The following DOCK4 variants were observed in gnomAD, a reference collection of about 807,000 sequenced individuals.
The protein encoded by DOCK4 is dedicator of cytokinesis 4.
A neutral mutation model predicts 268.1 loss-of-function variants in DOCK4; 97 were observed. The ratio of observed to expected loss-of-function variants is 0.36; its 90% CI spans 0.31 to 0.43. The LOEUF (loss-of-function observed/expected upper bound fraction) is 0.43, where lower values mean the gene tolerates loss of function less well. Ranked by LOEUF, DOCK4 falls within the 20% of genes least tolerant of loss-of-function variation. The pLI is 1.00. For synonymous variants in DOCK4, 954 were observed against 887.2 expected (o/e 1.08, Z -1.34); for missense variants, 2,145 against 2,455.7 (o/e 0.87, Z 2.67).
intron 1 of DOCK4, among the ~76,000 whole-genome samples, chr7:112,036,976 T>C (rs917985694): frequency 2.0e-5 from 3 of 152,110 alleles, no homozygotes; most frequent in African/African-American, 7.2e-5. Context: ...GGATTTAACT[T>C]TACATGATGT....
chr7:112,200,729 A>AAAAAT (rs1554478869), intron 1 of DOCK4, among the ~76,000 whole-genome samples: 36 of 120,214 alleles, frequency 3.0e-4, no homozygotes, highest in African/African-American at 1.2e-3. Context: ...CTAAAATAAA[A>AAAAAT]AAAAAAAAAC....
chr7:111,745,151 T>C (rs1796179173), intron 44 of DOCK4, among the ~76,000 whole-genome samples: 1 of 152,212 alleles, frequency 6.6e-6, no homozygotes, highest in South Asian at 2.1e-4. Flanking sequence ...TTCCAGTTCT[T>C]TGTACTTGAT....
At chr7:112,038,506 G>T (rs962645624) in intron 1 of DOCK4, among the ~76,000 whole-genome samples, 3 of 152,128 alleles carry the variant, frequency 2.0e-5, no homozygotes, top group Non-Finnish European at 2.9e-5. Context: ...TACATAATTG[G>T]ATCAGGGCTG....
chr7:111,891,808 TA>T (rs1310833448), intron 16 of DOCK4, among the ~76,000 whole-genome samples: 1 of 152,244 alleles, frequency 6.6e-6, no homozygotes, highest in African/African-American at 2.4e-5. Context: ...TTTTTTAACT[TA>T]AACGGATTTC....
At chr7:111,963,382 T>C (rs539679197) in intron 8 of DOCK4, among the ~76,000 whole-genome samples, 9 of 128,126 alleles carry the variant, frequency 7.0e-5, no homozygotes, top group Admixed American at 2.3e-4. Context: ...GGGCGAGGCA[T>C]TGCCTCACCT....
At chr7:111,769,503 A>T in intron 37 of DOCK4, 26 bp downstream of exon 37, 1 of 1,612,500 alleles carries the variant, frequency 6.2e-7, no homozygotes, top group Non-Finnish European at 8.5e-7. Context: ...CCCAGGAGGG[A>T]CCCCGGGCGG....
At chr7:112,156,727 T>C (rs537749806) in intron 1 of DOCK4, among the ~76,000 whole-genome samples, 35 of 152,328 alleles carry the variant, frequency 2.3e-4, no homozygotes, top group Admixed American at 4.6e-4. Context: ...CTTAATTATA[T>C]ACTTGGCTAT....
rs555122915 is a variant in DOCK4, at chr7:111,768,701, CT to C, written c.3828+827del. On this transcript the variant is annotated intron_variant, in intron 37 of 52. Coordinates refer to ENST00000428084, the MANE Select transcript of DOCK4 (RefSeq NM_001363540.2). ...GTTTTTTCAACACCTCAAGGCATCT[CT>C]TAAGTATATGATGGGATGCCACAAA... 1.1e-4 allele frequency among the ~76,000 whole-genome samples: 16 copies of C among 152,250 alleles called. No homozygotes were observed. In the East Asian group the frequency reaches 2.1e-3, roughly 20 times the overall value.
At chr7:111,756,679 A>T (rs1797041420) in intron 41 of DOCK4, among the ~76,000 whole-genome samples, 1 of 151,958 alleles carries the variant, frequency 6.6e-6, no homozygotes, top group South Asian at 2.1e-4. Flanking sequence ...CATCTTTCTT[A>T]CTTAAACCAA....
chr7:111,774,723 T>C (rs1323056121), intron 36 of DOCK4, among the ~76,000 whole-genome samples: 3 of 152,162 alleles, frequency 2.0e-5, no homozygotes, highest in Non-Finnish European at 4.4e-5. Flanking sequence ...CAACAGACCT[T>C]GAATAAAGAA....
chr7:112,020,283 T>G (rs1442296722), intron 1 of DOCK4, among the ~76,000 whole-genome samples: 1 of 152,198 alleles, frequency 6.6e-6, no homozygotes, highest in Non-Finnish European at 1.5e-5. Flanking sequence ...AAAATCTAGT[T>G]GGGTCCTGCT....
intron 32 of DOCK4, among the ~76,000 whole-genome samples, chr7:111,787,448 CATATCAGAAAAAA>C (rs1489352720): frequency 6.6e-6 from 1 of 151,972 alleles, no homozygotes; most frequent in Non-Finnish European, 1.5e-5. Context: ...ATTTAATTAC[CATATCAGAAAAAA>C]ATGATACTGT....
At chr7:111,859,432 C>T (rs1203797815) in intron 23 of DOCK4, among the ~76,000 whole-genome samples, 1 of 151,958 alleles carries the variant, frequency 6.6e-6, no homozygotes, top group Non-Finnish European at 1.5e-5. Flanking sequence ...TTTTTTTTTA[C>T]CCATCCCTTG....
chr7:111,762,213 T>C (rs1457683399), intron 39 of DOCK4, among the ~76,000 whole-genome samples: 1 of 152,168 alleles, frequency 6.6e-6, no homozygotes, highest in Non-Finnish European at 1.5e-5. Flanking sequence ...CATAGATTTA[T>C]TGAGATATAA....
At chr7:112,146,204 A>C (rs1815476946) in intron 1 of DOCK4, among the ~76,000 whole-genome samples, 1 of 152,190 alleles carries the variant, frequency 6.6e-6, no homozygotes. Flanking sequence ...TGCCAGAAAG[A>C]CTTCATCGAA....
intron 23 of DOCK4, among the ~76,000 whole-genome samples, chr7:111,850,349 C>T (rs145908844): frequency 9.3e-4 from 141 of 152,074 alleles, no homozygotes; most frequent in Non-Finnish European, 1.1e-3. Flanking sequence ...TCTACCCACC[C>T]GACTCTGTTC....
At chr7:112,155,092 A>G (rs1816490495) in intron 1 of DOCK4, among the ~76,000 whole-genome samples, 1 of 152,236 alleles carries the variant, frequency 6.6e-6, no homozygotes, top group African/African-American at 2.4e-5. Flanking sequence ...ACTGACAAGG[A>G]AATTGATAAA....
chr7:111,795,244 G>T (rs1204035191), intron 30 of DOCK4, among the ~76,000 whole-genome samples: 2 of 152,056 alleles, frequency 1.3e-5, no homozygotes, highest in African/African-American at 4.8e-5. Context: ...GAGGCAGGAG[G>T]ATCACGGAAG....
rs1334808848 is a variant in DOCK4 at position 111,760,283 on chromosome 7, G to A, written c.4060C>T (p.Leu1354=). ...FVCRGHDYER[L]EAFQQRMLNE... ...AGCATTCTCTGTTGGAAGGCTTCCA[G>A]CCTCTCGTAGTCATGCCCTCGACAC... The change falls in exon 40 of 53, where the codon CTG becomes TTG. Residue 1354 remains leucine (L), a synonymous_variant. Coordinates refer to ENST00000428084, the MANE Select transcript of DOCK4 (RefSeq NM_001363540.2). 6.2e-7 allele frequency: 1 copy of A among 1,613,920 alleles called. No homozygotes were observed. Among genetic ancestry groups the A allele is most frequent in the Admixed American group, 1.7e-5 (1 of 60,014 alleles).
Sources: allele counts gnomAD v4.1 joint callset (sites outside exome capture counted in the v4.1 genomes callset), GRCh38; gene constraint gnomAD v4.1.1; transcripts MANE v1.5; gene names NCBI Gene and HGNC (gene_info 2026-07-23, HGNC 2026-07-21).